NPAS3: variants seen among roughly 807,000 people sequenced by gnomAD.
NPAS3 encodes the protein neuronal PAS domain-containing protein 3.
A neutral mutation model predicts 73.1 loss-of-function variants in NPAS3; 14 were observed. That is an observed-to-expected ratio of 0.19 (90% CI 0.13 to 0.30). The LOEUF (loss-of-function observed/expected upper bound fraction) is 0.30. Among genes scored for constraint, NPAS3 ranks in the 10% least tolerant of loss-of-function variants. The pLI is 1.00. For synonymous variants in NPAS3, 620 were observed against 541.5 expected, an observed-to-expected ratio of 1.14 and a Z score of -2.01; for missense variants, 1,096 against 1,250.0, an observed-to-expected ratio of 0.88 and a Z score of 1.86.
At chr14:33,620,557 A>T (rs988280552) in intron 5 of NPAS3, among the ~76,000 whole-genome samples, 7 of 152,206 alleles carry the variant, frequency 4.6e-5, no homozygotes, top group African/African-American at 1.7e-4. Flanking sequence ...GATCTCAAAG[A>T]AATGGCAAAG....
intron 4 of NPAS3, among the ~76,000 whole-genome samples, chr14:33,389,134 G>A (rs781420724): frequency 4.6e-5 from 7 of 151,984 alleles, no homozygotes; most frequent in Non-Finnish European, 7.4e-5. Context: ...ACACACTCTT[G>A]GCAAGACTTT....
chr14:33,530,508 C>T (rs955075320), intron 4 of NPAS3, among the ~76,000 whole-genome samples: 1 of 152,064 alleles, frequency 6.6e-6, no homozygotes, highest in South Asian at 2.1e-4. Context: ...ACTAAAATAT[C>T]GCTTTGGGCA....
At chr14:33,571,628 A>G (rs1180750833) in intron 5 of NPAS3, among the ~76,000 whole-genome samples, 3 of 152,228 alleles carry the variant, frequency 2.0e-5, no homozygotes, top group Non-Finnish European at 4.4e-5. Context: ...CTTTCAGTAC[A>G]TTTATATAAG....
At chr14:33,263,039 A>T (rs759301234) in intron 3 of NPAS3, among the ~76,000 whole-genome samples, 1 of 152,080 alleles carries the variant, frequency 6.6e-6, no homozygotes, top group Non-Finnish European at 1.5e-5. Flanking sequence ...AGATGAGTAG[A>T]TTTCAAAAAT....
intron 9 of NPAS3, among the ~76,000 whole-genome samples, chr14:33,787,341 T>G (rs2063208180): frequency 6.6e-6 from 1 of 152,212 alleles, no homozygotes; most frequent in South Asian, 2.1e-4. Context: ...ATGAAAAGTT[T>G]TCTGCATGAT....
Position 33,323,945 on chromosome 14 carries a change from A to G in NPAS3, c.386-43241A>G, listed in dbSNP as rs192267252. 1.0e-3 allele frequency among the ~76,000 whole-genome samples: 159 copies of G among 152,332 alleles called. 1 individual carries two copies. Among genetic ancestry groups the G allele is most frequent in the Non-Finnish European group, 2.6e-4 (18 of 68,016 alleles). ...TATTCCCACTCTGTTTTTTGTAATTAAAACATCATTTATACTGAGAATAAT... is the reference window on the plus strand; with the variant it reads ...TATTCCCACTCTGTTTTTTGTAATTGAAACATCATTTATACTGAGAATAAT... On this transcript the variant is annotated intron_variant, in intron 3 of 11. Coordinates refer to ENST00000356141, the Ensembl canonical transcript of NPAS3.
chr14:32,941,702 A>C (rs572883201), intron 1 of NPAS3, among the ~76,000 whole-genome samples: 5 of 152,116 alleles, frequency 3.3e-5, no homozygotes, highest in South Asian at 4.1e-4. Flanking sequence ...GGATGCTGTC[A>C]TTTTAAAGGT....
chr14:33,012,089 C>T (rs75917182), intron 1 of NPAS3, among the ~76,000 whole-genome samples: 3 of 91,568 alleles, frequency 3.3e-5, no homozygotes, highest in Non-Finnish European at 7.2e-5. Flanking sequence ...TGCCTGCCTT[C>T]CCTTCCTCTC....
At chr14:33,619,441 A>G (rs1165217103) in intron 5 of NPAS3, among the ~76,000 whole-genome samples, 1 of 151,150 alleles carries the variant, frequency 6.6e-6, no homozygotes, top group Admixed American at 6.6e-5. Flanking sequence ...GACAAGACTG[A>G]GATGATTAAA....
intron 2 of NPAS3, among the ~76,000 whole-genome samples, chr14:33,177,170 C>T (rs1279020195): frequency 2.7e-5 from 4 of 150,576 alleles, no homozygotes; most frequent in South Asian, 2.1e-4. Context: ...AGTCTCGACT[C>T]GGTGCAACCT....
intron 2 of NPAS3, among the ~76,000 whole-genome samples, chr14:33,104,115 A>T (rs1363211969): frequency 6.6e-6 from 1 of 152,040 alleles, no homozygotes; most frequent in East Asian, 1.9e-4. Context: ...TACATTGCAG[A>T]CTCACTATAA....
intron 1 of NPAS3, among the ~76,000 whole-genome samples, chr14:32,975,695 A>G (rs1285535000): frequency 6.6e-6 from 1 of 152,208 alleles, no homozygotes; most frequent in Non-Finnish European, 1.5e-5. Flanking sequence ...GTAGAGGAAT[A>G]TGAAGTGCTT....
chr14:33,632,200 T>C (rs763237403), intron 5 of NPAS3, among the ~76,000 whole-genome samples: 1 of 152,182 alleles, frequency 6.6e-6, no homozygotes, highest in Non-Finnish European at 1.5e-5. Context: ...CAAGTCCATG[T>C]GAGTTTAAGC....
At chr14:33,316,901 T>G (rs2043228783) in intron 3 of NPAS3, among the ~76,000 whole-genome samples, 1 of 152,130 alleles carries the variant, frequency 6.6e-6, no homozygotes, top group South Asian at 2.1e-4. Flanking sequence ...TGTAAAGGAC[T>G]GAGCTGTAAT....
intron 3 of NPAS3, among the ~76,000 whole-genome samples, chr14:33,313,167 T>C (rs2043073848): frequency 6.6e-6 from 1 of 152,076 alleles, no homozygotes; most frequent in African/African-American, 2.4e-5. Context: ...AGATTAAATG[T>C]ATTTGAATTA....
intron 3 of NPAS3, among the ~76,000 whole-genome samples, chr14:33,349,363 T>C (rs1009947785): frequency 6.6e-6 from 1 of 152,206 alleles, no homozygotes; most frequent in Admixed American, 6.5e-5. Flanking sequence ...ATGATAGAAT[T>C]ATTTCAGTTG....
At chr14:33,121,574 C>T (rs1409443663) in intron 2 of NPAS3, among the ~76,000 whole-genome samples, 2 of 152,100 alleles carry the variant, frequency 1.3e-5, no homozygotes, top group Non-Finnish European at 2.9e-5. Flanking sequence ...TTTAAAAGGA[C>T]ACCTTTTTAG....
intron 2 of NPAS3, among the ~76,000 whole-genome samples, chr14:33,160,068 CATT>C (rs1203778448): frequency 1.3e-5 from 2 of 152,132 alleles, no homozygotes; most frequent in Non-Finnish European, 2.9e-5. Flanking sequence ...GTTTAACTCA[CATT>C]ATGACAAATT....
chr14:33,581,153 A>G (rs1256953424), intron 5 of NPAS3, among the ~76,000 whole-genome samples: 1 of 152,200 alleles, frequency 6.6e-6, no homozygotes. Flanking sequence ...ACAAGCGAAA[A>G]CATGTAATTA....
Sources: gnomAD v4.1 joint callset for allele counts (sites outside exome capture counted in the v4.1 genomes callset) on GRCh38, gnomAD v4.1.1 for gene constraint, MANE v1.5 for transcripts, NCBI Gene and HGNC (gene_info 2026-07-23, HGNC 2026-07-21) for gene names.